SPAG16: variants seen among roughly 807,000 people sequenced by gnomAD.
The protein encoded by SPAG16 is sperm-associated antigen 16 protein.
A neutral mutation model predicts 80.4 loss-of-function variants in SPAG16; 86 were observed. That is an observed-to-expected ratio of 1.07 (90% CI 0.90 to 1.28). The LOEUF is 1.28. Ranked by LOEUF, SPAG16 falls within the 50% of genes most tolerant of loss-of-function variation. The probability of loss-of-function intolerance (pLI) is 0.00; values close to 1 mark genes in which losing one functional copy is unlikely to be tolerated. For missense variants in SPAG16, 870 were observed against 765.3 expected, an observed-to-expected ratio of 1.14 and a Z score of -1.61; for synonymous variants, 294 against 265.9, an observed-to-expected ratio of 1.11 and a Z score of -1.03.
At chr2:213,478,021 A>G (rs895411045) in intron 9 of SPAG16, among the ~76,000 whole-genome samples, 3 of 152,080 alleles carry the variant, frequency 2.0e-5, no homozygotes, top group Admixed American at 1.3e-4. Context: ...GTCTCACAAG[A>G]TCTGATGGTT....
intron 10 of SPAG16, among the ~76,000 whole-genome samples, chr2:213,761,761 G>A (rs2125523021): frequency 6.6e-6 from 1 of 152,196 alleles, no homozygotes; most frequent in Non-Finnish European, 1.5e-5. Flanking sequence ...AGTTACTCAG[G>A]AGGCTGAGGC....
chr2:213,852,841 T>C (rs2074973483), intron 10 of SPAG16, among the ~76,000 whole-genome samples: 1 of 152,202 alleles, frequency 6.6e-6, no homozygotes, highest in East Asian at 1.9e-4. Context: ...GCATGCTACA[T>C]CATAGGCTAT....
chr2:213,410,620 T>C (rs1177256088), intron 9 of SPAG16, among the ~76,000 whole-genome samples: 3 of 152,230 alleles, frequency 2.0e-5, no homozygotes, highest in Admixed American at 6.5e-5. Flanking sequence ...TAGAGAATCA[T>C]AGAAGTTAAA....
intron 10 of SPAG16, among the ~76,000 whole-genome samples, chr2:213,538,317 T>A (rs1420486607): frequency 1.3e-5 from 2 of 152,136 alleles, no homozygotes; most frequent in Non-Finnish European, 2.9e-5. Context: ...AGGTAGGATG[T>A]GATGTTACAG....
At chr2:214,051,030 T>C (rs2049615284) in intron 13 of SPAG16, among the ~76,000 whole-genome samples, 1 of 152,172 alleles carries the variant, frequency 6.6e-6, no homozygotes, top group African/African-American at 2.4e-5. Flanking sequence ...TATGACTGTC[T>C]TTTTTGAACC....
intron 10 of SPAG16, among the ~76,000 whole-genome samples, chr2:213,602,321 A>G (rs1289958564): frequency 3.3e-5 from 5 of 152,158 alleles, no homozygotes; most frequent in Non-Finnish European, 4.4e-5. Context: ...ACAGTGGGAA[A>G]CCAAACTAGT....
chr2:214,146,524 G>A (rs2055645941), intron 14 of SPAG16, among the ~76,000 whole-genome samples: 1 of 152,114 alleles, frequency 6.6e-6, no homozygotes, highest in Non-Finnish European at 1.5e-5. Context: ...TAACCTTTGT[G>A]GAAGCATTAC....
chr2:213,690,211 C>CGTCTTA (rs1400360339), intron 10 of SPAG16, among the ~76,000 whole-genome samples: 3 of 152,312 alleles, frequency 2.0e-5, no homozygotes, highest in Non-Finnish European at 4.4e-5. Flanking sequence ...CTTAACTCTT[C>CGTCTTA]GTCTTAGTCT....
intron 10 of SPAG16, among the ~76,000 whole-genome samples, chr2:213,749,980 A>C (rs2068008839): frequency 6.6e-6 from 1 of 152,190 alleles, no homozygotes; most frequent in South Asian, 2.1e-4. Context: ...TTCCACACCT[A>C]AACCTATCTA....
In SPAG16 at chr2:213,292,692, AAAC is replaced by A. The variant is rs1553617131; in HGVS notation, c.137-3369_137-3367del. 4.4e-5 allele frequency among the ~76,000 whole-genome samples: 6 copies of A among 135,830 alleles called. 1 individual carries two copies. Among genetic ancestry groups the A allele is most frequent in the African/African-American group, 1.7e-4 (6 of 34,822 alleles). The allele number at this position is 135,830 out of a possible 152,430, so 89.1% of individuals were successfully genotyped here. ...AAAAAAAAACAAAAAAAACAAAAAA[AAAC>A]AAAACTATCAGAAAGATATAAATCT... On this transcript the variant is annotated intron_variant, in intron 1 of 15. Coordinates refer to ENST00000331683, the MANE Select transcript of SPAG16 (RefSeq NM_024532.5).
intron 10 of SPAG16, among the ~76,000 whole-genome samples, chr2:213,557,310 A>G (rs1163084485): frequency 2.0e-5 from 3 of 152,180 alleles, no homozygotes; most frequent in East Asian, 1.9e-4. Flanking sequence ...TGCACAACAT[A>G]TGCTCTGTTT....
At chr2:213,607,797 G>A (rs2061314954) in intron 10 of SPAG16, among the ~76,000 whole-genome samples, 1 of 152,130 alleles carries the variant, frequency 6.6e-6, no homozygotes, top group Non-Finnish European at 1.5e-5. Context: ...GCAGATTGCA[G>A]GGAATACTTG....
chr2:213,789,795 C>G (rs1219933522), intron 10 of SPAG16, among the ~76,000 whole-genome samples: 1 of 151,908 alleles, frequency 6.6e-6, no homozygotes, highest in Non-Finnish European at 1.5e-5. Context: ...TATTCACTTT[C>G]AAACCCAAAA....
chr2:213,472,436 G>C (rs746815984), intron 9 of SPAG16, among the ~76,000 whole-genome samples: 1 of 152,200 alleles, frequency 6.6e-6, no homozygotes, highest in East Asian at 1.9e-4. Context: ...CCTTATGGGA[G>C]AGTTGAACAG....
chr2:213,903,850 C>G (rs942820710), intron 11 of SPAG16, among the ~76,000 whole-genome samples: 2 of 152,140 alleles, frequency 1.3e-5, no homozygotes, highest in African/African-American at 4.8e-5. Context: ...AAATTTCTTG[C>G]TCCATATACT....
chr2:213,402,431 T>G (rs893942872), intron 9 of SPAG16, among the ~76,000 whole-genome samples: 1 of 152,090 alleles, frequency 6.6e-6, no homozygotes, highest in African/African-American at 2.4e-5. Context: ...TTTTTAAATT[T>G]TATTATTATT....
chr2:214,118,011 G>A (rs1043810003), intron 14 of SPAG16, among the ~76,000 whole-genome samples: 2 of 152,106 alleles, frequency 1.3e-5, no homozygotes, highest in South Asian at 4.1e-4. Context: ...GAGCAATTAG[G>A]CAGCAAAAAG....
chr2:213,714,512 A>G (rs2066146258), intron 10 of SPAG16, among the ~76,000 whole-genome samples: 1 of 152,160 alleles, frequency 6.6e-6, no homozygotes. Flanking sequence ...CAAAATTGGA[A>G]ACTCAAATTA....
At chr2:214,024,052 T>C (rs912762607) in intron 13 of SPAG16, among the ~76,000 whole-genome samples, 1 of 151,630 alleles carries the variant, frequency 6.6e-6, no homozygotes, top group Admixed American at 6.6e-5. Flanking sequence ...TGTAGAGATA[T>C]GGTGTTGGAT....
Sources: gnomAD v4.1 joint callset for allele counts (sites outside exome capture counted in the v4.1 genomes callset) on GRCh38, gnomAD v4.1.1 for gene constraint, MANE v1.5 for transcripts, NCBI Gene and HGNC (gene_info 2026-07-23, HGNC 2026-07-21) for gene names.